Variants in ATCAY observed in about 807,000 individuals in gnomAD.
ATCAY encodes ATCAY kinesin light chain interacting caytaxin.
ATCAY carries 22 observed loss-of-function variants against 47.7 expected under a neutral mutation model. The observed-to-expected ratio is 0.46, with a 90% CI of 0.33 to 0.66. The LOEUF (loss-of-function observed/expected upper bound fraction) is 0.66, where lower values mean the gene tolerates loss of function less well. ATCAY is among the 30% of genes least tolerant of loss of function. ATCAY has a pLI of 0.02. For synonymous variants in ATCAY, 216 were observed against 207.6 expected (o/e 1.04, Z -0.35); for missense variants, 452 against 515.0 (o/e 0.88, Z 1.18).
intron 2 of ATCAY, among the ~76,000 whole-genome samples, chr19:3,892,845 T>A (rs1302002725): frequency 1.3e-5 from 2 of 151,962 alleles, no homozygotes; most frequent in African/African-American, 4.8e-5. Flanking sequence ...GAGGCAGAAG[T>A]TGCAATGAGC....
chr19:3,886,972 G>A (rs189272114), intron 2 of ATCAY, among the ~76,000 whole-genome samples: 2 of 152,002 alleles, frequency 1.3e-5, no homozygotes, highest in East Asian at 1.9e-4. Flanking sequence ...AAGAGCCACC[G>A]CGCCCGGCCC....
At position 3,917,819 on chromosome 19, in the gene ATCAY, CG is replaced by C. The variant is rs761094085; in HGVS notation, c.1001+48del. 4 of 1,597,100 alleles carry C rather than the reference CG, an allele frequency of 2.5e-6. No individual in the cohort carries two copies. The African/African-American group carries it at 4.0e-5, about 16-fold the overall frequency. The stretch of plus-strand genomic sequence containing the variant: ...TTCTGCTGGGGCTGGGTCGGGGCAG[CG>C]GGGGGCTGAGCTGAACTCTCAGTTA... On this transcript the variant is annotated intron_variant, in intron 10 of 12. Coordinates refer to ENST00000450849, the MANE Select transcript of ATCAY (RefSeq NM_033064.5).
rs531995324 is a variant in ATCAY, at chr19:3,883,105, G to A, written c.-42+2097G>A. Among the ~76,000 whole-genome samples the A allele has an allele frequency of 2.0e-4, 31 of 152,108 alleles. No homozygotes were observed. In the South Asian group the frequency reaches 4.6e-3, roughly 22 times the overall value. ...CTTTAAAAAGTGGATCTAGTGGCCC[G>A]GCAGGGTGGCTCACACCTGTAATCC... On this transcript the variant is annotated intron_variant, in intron 1 of 12. Transcript: ENST00000450849.
chr19:3,911,110 G>A (rs1357042489), intron 8 of ATCAY, among the ~76,000 whole-genome samples: 1 of 152,202 alleles, frequency 6.6e-6, no homozygotes, highest in African/African-American at 2.4e-5. Context: ...CAGGCACAGT[G>A]GCTGACACCT....
rs8103950 is a variant in ATCAY, at chr19:3,881,866, G to T, written c.-42+858G>T. On this transcript the variant is annotated intron_variant, in intron 1 of 12. Transcript: ENST00000450849. ...AAGGGCCTGGCTGGCTGCTGCCACC[G>T]CCCCCCCCCCGACCCCATAGCATCC... Among the ~76,000 whole-genome samples the T allele has an allele frequency of 6.8e-5, 8 of 117,612 alleles. 1 individual carries two copies. The South Asian group carries it at 1.2e-3, about 18-fold the overall frequency. The allele number at this position is 117,612 out of a possible 152,430, so 77.2% of individuals were successfully genotyped here.
chr19:3,882,589 C>G (rs1434809113), intron 1 of ATCAY, among the ~76,000 whole-genome samples: 2 of 148,954 alleles, frequency 1.3e-5, no homozygotes, highest in Non-Finnish European at 3.0e-5. Flanking sequence ...TCTCAGCCTC[C>G]CAAAGTGCTG....
At chr19:3,905,325 C>A (rs1034467558) in intron 3 of ATCAY, 109 bp from the exon 4 acceptor site, 1 of 1,145,988 alleles carries the variant, frequency 8.7e-7, no homozygotes. Context: ...GGAGCCCACC[C>A]TCTCTTCCCA....
At chr19:3,893,380 A>G (rs958792239) in intron 2 of ATCAY, among the ~76,000 whole-genome samples, 2 of 151,944 alleles carry the variant, frequency 1.3e-5, no homozygotes, top group African/African-American at 4.8e-5. Context: ...GGGTTTCACC[A>G]TGTTGGCCAG....
At chr19:3,892,525 A>G (rs2038727335) in intron 2 of ATCAY, among the ~76,000 whole-genome samples, 1 of 152,192 alleles carries the variant, frequency 6.6e-6, no homozygotes, top group Non-Finnish European at 1.5e-5. Flanking sequence ...CCAAACTTGG[A>G]AAAAAATTAC....
At chr19:3,910,517 C>A (rs548495800) in intron 7 of ATCAY, among the ~76,000 whole-genome samples, 11 of 152,286 alleles carry the variant, frequency 7.2e-5, no homozygotes, top group African/African-American at 2.2e-4. Flanking sequence ...AAAATACAAT[C>A]TTGGCTGCTC....
At chr19:3,911,877 C>T (rs905039390) in intron 8 of ATCAY, among the ~76,000 whole-genome samples, 1 of 152,158 alleles carries the variant, frequency 6.6e-6, no homozygotes, top group African/African-American at 2.4e-5. Flanking sequence ...AAGGAAGACT[C>T]TTTAAACATG....
chr19:3,890,204 C>T (rs1298273501), intron 2 of ATCAY, among the ~76,000 whole-genome samples: 1 of 132,182 alleles, frequency 7.6e-6, no homozygotes, highest in African/African-American at 2.9e-5. Context: ...TCCCAAAGTG[C>T]TAGGATTACA....
intron 1 of ATCAY, among the ~76,000 whole-genome samples, chr19:3,883,296 C>T (rs777873034): frequency 5.9e-5 from 9 of 152,008 alleles, no homozygotes; most frequent in African/African-American, 2.2e-4. Context: ...GAGCCGAGAT[C>T]GCACCACTGC....
intron 2 of ATCAY, chr19:3,895,004 C>A: frequency 2.5e-6 from 1 of 397,200 alleles, no homozygotes; most frequent in Non-Finnish European, 5.0e-6. Context: ...CCCTGACCAC[C>A]CCACAGATTT....
At position 3,897,263 on chromosome 19, in the gene ATCAY, C is replaced by CTATATATA. The variant is rs10677459; in HGVS notation, c.78-5211_78-5204dup. On this transcript the variant is annotated intron_variant, in intron 2 of 12. Coordinates refer to ENST00000450849, the MANE Select transcript of ATCAY (RefSeq NM_033064.5). ...TCTTCAGTCCTTTCTTTGAAGTTTGCTATATATATATATATATATAGCAAA... is the reference window on the plus strand; with the variant it reads ...TCTTCAGTCCTTTCTTTGAAGTTTGCTATATATATATATATATATATATATATAGCAAA... Among the ~76,000 whole-genome samples the CTATATATA allele has an allele frequency of 2.7e-3, 393 of 143,988 alleles. 2 individuals are homozygous for CTATATATA. The highest frequency in any genetic ancestry group is 9.0e-3 in the African/African-American group (349 of 38,860). The allele number at this position is 143,988 out of a possible 152,430, so 94.5% of individuals were successfully genotyped here.
At position 3,907,364 on chromosome 19, in the gene ATCAY, C is replaced by T. The variant is rs1172943688; in HGVS notation, c.359-370C>T. 6.6e-6 allele frequency among the ~76,000 whole-genome samples: 1 copy of T among 152,112 alleles called. No individual in the cohort carries two copies. The highest frequency in any genetic ancestry group is 2.4e-5 in the African/African-American group (1 of 41,440). On this transcript the variant is annotated intron_variant, in intron 4 of 12. Coordinates refer to ENST00000450849, the MANE Select transcript of ATCAY (RefSeq NM_033064.5). This position sits in a 1 kb window ranked among gnomAD's most constrained non-coding sequence, Gnocchi z 5.1. The stretch of plus-strand genomic sequence containing the variant: ...GAGGCTGAGGCAGGAGGACTGCTCT[C>T]TGTGTGCCAGGCTCCTGGGAGAGTA...
chr19:3,918,911 A>T (rs1194344040), intron 11 of ATCAY, 34 bp downstream of exon 11: 1 of 1,612,832 alleles, frequency 6.2e-7, no homozygotes, highest in Non-Finnish European at 8.5e-7. Context: ...CAGAGAGCTG[A>T]CAGTCACGGG....
chr19:3,902,390 T>G (rs1382456673), intron 2 of ATCAY, 97 bp from the exon 3 acceptor site: 2 of 1,134,114 alleles, frequency 1.8e-6, no homozygotes, highest in Non-Finnish European at 2.6e-6. Flanking sequence ...TGTTCTTGTC[T>G]GACTCGCCTG....
Position 3,886,719 on chromosome 19 carries a change from C to CTT in ATCAY, c.77+892_77+893dup, listed in dbSNP as rs546816341. The stretch of plus-strand genomic sequence containing the variant: ...CACTTACCTCCCCTAACATGCTGAA[C>CTT]TTTTTTTTTTTTTTTTTTGAGTCTC... On this transcript the variant is annotated intron_variant, in intron 2 of 12. Transcript: ENST00000450849. 1.3e-3 allele frequency among the ~76,000 whole-genome samples: 175 copies of CTT among 131,430 alleles called. 3 individuals are homozygous for CTT. Among genetic ancestry groups the CTT allele is most frequent in the African/African-American group, 4.7e-3 (161 of 34,292 alleles). The allele number at this position is 131,430 out of a possible 152,430, so 86.2% of individuals were successfully genotyped here. A position where few individuals can be genotyped will look rare whatever the true frequency, so the allele number is the denominator to read the frequency against.
Sources: gnomAD v4.1 joint callset for allele counts (sites outside exome capture counted in the v4.1 genomes callset) on GRCh38, gnomAD v4.1.1 for gene constraint, Gnocchi (gnomAD v3.1) non-coding constraint, MANE v1.5 for transcripts, NCBI Gene and HGNC (gene_info 2026-07-23, HGNC 2026-07-21) for gene names.